The following UNC5C variants were observed in gnomAD, a reference collection of about 807,000 sequenced individuals.
The protein encoded by UNC5C is unc-5 netrin receptor C.
In UNC5C, 47 loss-of-function variants were observed where a neutral mutation model predicts 99.8. The ratio of observed to expected loss-of-function variants is 0.47; its 90% CI spans 0.37 to 0.60. The LOEUF is 0.60. UNC5C is among the 20% of genes least tolerant of loss of function. The pLI is 0.00. For missense variants in UNC5C, 1,062 were observed against 1,165.9 expected, an observed-to-expected ratio of 0.91 and a Z score of 1.30; for synonymous variants, 487 against 452.2, an observed-to-expected ratio of 1.08 and a Z score of -0.98.
chr4:95,234,381 C>CTTT (rs35325293), intron 7 of UNC5C, among the ~76,000 whole-genome samples: 2,996 of 150,432 alleles, frequency 0.02, 100 homozygotes, highest in African/African-American at 0.068. Context: ...AATCGCTTAC[C>CTTT]TTTTTTTTAT....
intron 1 of UNC5C, among the ~76,000 whole-genome samples, chr4:95,535,791 C>T (rs1037350283): frequency 2.0e-5 from 3 of 151,870 alleles, no homozygotes; most frequent in African/African-American, 7.3e-5. Flanking sequence ...AGGAAATTAT[C>T]AGATCCAAAC....
At chr4:95,321,647 A>G (rs1341599008) in intron 2 of UNC5C, among the ~76,000 whole-genome samples, 1 of 152,200 alleles carries the variant, frequency 6.6e-6, no homozygotes, top group African/African-American at 2.4e-5. Context: ...TCAGTATCCC[A>G]TGGGGAAGAT....
chr4:95,176,985 G>A (rs373089680), intron 14 of UNC5C, among the ~76,000 whole-genome samples: 1 of 152,160 alleles, frequency 6.6e-6, no homozygotes, highest in Non-Finnish European at 1.5e-5. Context: ...GCAGTACTTG[G>A]GGGGGAGTGA....
At chr4:95,174,704 A>T (rs889566634) in intron 14 of UNC5C, among the ~76,000 whole-genome samples, 2 of 149,608 alleles carry the variant, frequency 1.3e-5, no homozygotes, top group Non-Finnish European at 3.0e-5. Flanking sequence ...TGGTGCTGAA[A>T]AAAATGTATA....
intron 9 of UNC5C, 60 bp downstream of exon 9, chr4:95,218,909 T>A (rs2149367492): frequency 6.7e-7 from 1 of 1,493,380 alleles, no homozygotes; most frequent in Non-Finnish European, 9.0e-7. Flanking sequence ...CAAAAAAGAT[T>A]TTGGTATGGA....
At chr4:95,208,120 C>G (rs924292737) in intron 10 of UNC5C, among the ~76,000 whole-genome samples, 3 of 152,106 alleles carry the variant, frequency 2.0e-5, no homozygotes, top group Non-Finnish European at 2.9e-5. Flanking sequence ...GTGGTGGCAC[C>G]TTGAACTCAA....
intron 1 of UNC5C, among the ~76,000 whole-genome samples, chr4:95,484,669 A>G (rs1005932797): frequency 1.3e-5 from 2 of 151,870 alleles, no homozygotes; most frequent in African/African-American, 4.8e-5. Flanking sequence ...AACATAAAGT[A>G]GACATTTGTG....
At chr4:95,543,241 G>A (rs1419445872) in intron 1 of UNC5C, among the ~76,000 whole-genome samples, 1 of 152,062 alleles carries the variant, frequency 6.6e-6, no homozygotes, top group African/African-American at 2.4e-5. Flanking sequence ...ACCAATAATA[G>A]AAGCAGAATG....
At chr4:95,199,790 A>AAAAG (rs200744158) in intron 12 of UNC5C, among the ~76,000 whole-genome samples, 6,178 of 152,244 alleles carry the variant, frequency 0.041, 187 homozygotes, top group Non-Finnish European at 0.065. Flanking sequence ...GGAACTGTTG[A>AAAAG]AAAGATTTGC....
chr4:95,507,859 CT>C (rs1721967107), intron 1 of UNC5C, among the ~76,000 whole-genome samples: 1 of 151,990 alleles, frequency 6.6e-6, no homozygotes, highest in African/African-American at 2.4e-5. Context: ...GTTGTTAATG[CT>C]ACCATCAGCT....
At chr4:95,170,800 C>T (rs575982822) in intron 14 of UNC5C, among the ~76,000 whole-genome samples, 4 of 152,220 alleles carry the variant, frequency 2.6e-5, no homozygotes, top group South Asian at 2.1e-4. Context: ...GGCAAATGCT[C>T]CAGTAGTTCT....
chr4:95,235,084 C>T (rs1470425456), intron 7 of UNC5C, among the ~76,000 whole-genome samples: 1 of 152,138 alleles, frequency 6.6e-6, no homozygotes, highest in African/African-American at 2.4e-5. Flanking sequence ...AAGTCTTGCA[C>T]CCTAGGGTTT....
intron 3 of UNC5C, among the ~76,000 whole-genome samples, chr4:95,287,473 C>A (rs1049282784): frequency 3.3e-5 from 5 of 152,204 alleles, no homozygotes; most frequent in Non-Finnish European, 5.9e-5. Context: ...AAACCTGAAG[C>A]TCTTTCAGGT....
chr4:95,342,023 C>A (rs1474796980), intron 1 of UNC5C, among the ~76,000 whole-genome samples: 1 of 152,122 alleles, frequency 6.6e-6, no homozygotes. Flanking sequence ...TTCTATTAAG[C>A]CTTGCCACCA....
intron 1 of UNC5C, among the ~76,000 whole-genome samples, chr4:95,465,874 T>C (rs1747759082): frequency 6.6e-6 from 1 of 152,136 alleles, no homozygotes; most frequent in Admixed American, 6.5e-5. Context: ...CCTTGGAACA[T>C]GTTTTCTATC....
At chr4:95,190,168 T>G (rs9684921) in intron 12 of UNC5C, among the ~76,000 whole-genome samples, 112,680 of 151,440 alleles carry the variant, frequency 0.74, 42,168 homozygotes, top group Middle Eastern at 0.84. Flanking sequence ...CCATAAAAAA[T>G]GATGAGTTCA....
At chr4:95,238,811 A>T (rs1319787922) in intron 7 of UNC5C, among the ~76,000 whole-genome samples, 2 of 152,194 alleles carry the variant, frequency 1.3e-5, no homozygotes, top group Non-Finnish European at 2.9e-5. Context: ...CTTCAGCTTT[A>T]TCTAAAGCTG....
chr4:95,370,191 T>A (rs1265744690), intron 1 of UNC5C, among the ~76,000 whole-genome samples: 1 of 152,112 alleles, frequency 6.6e-6, no homozygotes, highest in Admixed American at 6.6e-5. Context: ...ACTCAGGCCA[T>A]AAAAGAAGGT....
chr4:95,415,103 C>T (rs1379612129), intron 1 of UNC5C, among the ~76,000 whole-genome samples: 2 of 152,082 alleles, frequency 1.3e-5, no homozygotes, highest in African/African-American at 4.8e-5. Context: ...TTAGCCAGAG[C>T]TGTCACAGAC....
Sources: allele counts gnomAD v4.1 joint callset (sites outside exome capture counted in the v4.1 genomes callset), GRCh38; gene constraint gnomAD v4.1.1; transcripts MANE v1.5; gene names NCBI Gene and HGNC (gene_info 2026-07-23, HGNC 2026-07-21).